CDHR2: variants seen among roughly 807,000 people sequenced by gnomAD.
The protein encoded by CDHR2 is cadherin related family member 2, also known as cadherin-related family member 2.
Under a neutral mutation model 138.6 loss-of-function variants are expected in CDHR2, and 104 were observed. The ratio of observed to expected loss-of-function variants is 0.75; its 90% CI spans 0.64 to 0.88. The LOEUF is 0.88. Ranked by LOEUF, CDHR2 falls within the 40% of genes least tolerant of loss-of-function variation. CDHR2 has a pLI of 0.00. For synonymous variants in CDHR2, 755 were observed against 742.8 expected (o/e 1.02, Z -0.27); for missense variants, 1,624 against 1,727.6 (o/e 0.94, Z 1.06).
chr5:176,575,107 C>T lies in CDHR2; in HGVS notation c.519C>T (p.Ser173=), dbSNP rs199624103. The change falls in exon 8 of 32, where the codon AGC becomes AGT. Residue 173 remains serine, a synonymous_variant. Coordinates refer to ENST00000261944, the MANE Select transcript of CDHR2 (RefSeq NM_017675.6). Reference sequence around the variant, plus strand: ...AGGTCATCCCTAGCACTGGGGACAGCGAGCATCTCTTCCGGATCCTGGCCA... The same window carrying T: ...AGGTCATCCCTAGCACTGGGGACAGTGAGCATCTCTTCCGGATCCTGGCCA... ...IEKVIPSTGD[S]EHLFRILANG... is the part of the protein sequence containing the mutation. 45 of 1,614,152 alleles carry T rather than the reference C, an allele frequency of 2.8e-5. No individual in the cohort carries two copies. The highest frequency in any genetic ancestry group is 1.6e-4 in the Middle Eastern group (1 of 6,062).
chr5:176,586,197 T>C (rs567646433), intron 20 of CDHR2, among the ~76,000 whole-genome samples, 172 bp downstream of exon 20: 31 of 152,286 alleles, frequency 2.0e-4, no homozygotes, highest in African/African-American at 7.2e-4. Flanking sequence ...TTTTCTTTTT[T>C]CTTTCCTTTT....
intron 5 of CDHR2, among the ~76,000 whole-genome samples, chr5:176,570,971 T>G (rs911195902): frequency 8.6e-5 from 10 of 116,956 alleles, no homozygotes; most frequent in Non-Finnish European, 1.7e-4. Flanking sequence ...AAAAATTAAC[T>G]AATGATGCCT....
In CDHR2 at chr5:176,543,050, G is replaced by A. The variant is rs1218798150; in HGVS notation, c.-16+281G>A. 6.6e-6 allele frequency among the ~76,000 whole-genome samples: 1 copy of A among 151,902 alleles called. No individual in the cohort carries two copies. Among genetic ancestry groups the A allele is most frequent in the Non-Finnish European group, 1.5e-5 (1 of 67,894 alleles). ...GAGTTCCCCGGGGCTCCCCGAGTTGGGGCGTTTGGACCTAGCGGACGGGGA... is the reference window on the plus strand; with the variant it reads ...GAGTTCCCCGGGGCTCCCCGAGTTGAGGCGTTTGGACCTAGCGGACGGGGA... On this transcript the variant is annotated intron_variant, in intron 1 of 31. Transcript: ENST00000510636. The surrounding 1 kb of genome is among the most constrained non-coding windows in gnomAD (Gnocchi z 4.0).
rs1336776573 is a variant in CDHR2 at position 176,575,177 on chromosome 5, A to G, written c.589A>G (p.Ser197Gly). 6.2e-7 allele frequency: 1 copy of G among 1,614,036 alleles called. No homozygotes were observed. Among genetic ancestry groups the G allele is most frequent in the African/African-American group, 1.3e-5 (1 of 74,906 alleles). ...LNGSLSYNNKSAFYQLELKAC... is the reference protein window; with the variant it reads ...LNGSLSYNNKGAFYQLELKAC... ...TGGCAGCCTCAGCTACAACAACAAGAGCGCTTTCTACCAGCTGGAGCTGAA... is the reference window on the plus strand; with the variant it reads ...TGGCAGCCTCAGCTACAACAACAAGGGCGCTTTCTACCAGCTGGAGCTGAA... The change falls in exon 8 of 32, where the codon AGC becomes GGC. Residue 197 changes from serine (S) to glycine (G), a missense_variant. By Grantham distance (56) the Ser-to-Gly change is moderately conservative (BLOSUM62 0). Coordinates refer to ENST00000261944, the MANE Select transcript of CDHR2 (RefSeq NM_017675.6).
intron 20 of CDHR2, 60 bp from the exon 21 acceptor site, chr5:176,586,733 C>T: frequency 6.7e-7 from 1 of 1,494,090 alleles, no homozygotes; most frequent in South Asian, 1.2e-5. Flanking sequence ...TCGTGACCAG[C>T]CTTGGTCCAG....
upstream of CDHR2, among the ~76,000 whole-genome samples, chr5:176,544,451 C>CTCTTTCTCTCTTTCCTTT (rs371507296): frequency 0.52 from 75,545 of 146,096 alleles, 24,070 homozygotes; most frequent in Non-Finnish European, 0.7. Flanking sequence ...TTCTCTCTTT[C>CTCTTTCTCTCTTTCCTTT]CTTTTTTTGA....
rs771422875 is a variant in CDHR2, at chr5:176,576,131, C to T, written c.1140C>T (p.Ala380=). The T allele has an allele frequency of 6.2e-7, 1 of 1,614,102 alleles. No individual in the cohort carries two copies. Among genetic ancestry groups the T allele is most frequent in the South Asian group, 1.1e-5 (1 of 91,082 alleles). The change falls in exon 12 of 32, where the codon GCC becomes GCT. Residue 380 remains alanine, a synonymous_variant. Coordinates refer to ENST00000261944, the MANE Select transcript of CDHR2 (RefSeq NM_017675.6). This position sits in a 1 kb window ranked among gnomAD's most constrained non-coding sequence, Gnocchi z 4.5. ...VNFTGYVDEH[A]SPRIPIDDLT... is the part of the protein sequence containing the mutation. Reference sequence around the variant, plus strand: ...TCACTGGCTACGTGGACGAGCATGCCTCCCCCCGCATCCCCATCGATGACC... The same window carrying T: ...TCACTGGCTACGTGGACGAGCATGCTTCCCCCCGCATCCCCATCGATGACC...
intron 16 of CDHR2, 42 bp downstream of exon 16, chr5:176,578,650 G>A (rs1758462337): frequency 1.2e-6 from 2 of 1,600,362 alleles, no homozygotes; most frequent in African/African-American, 1.3e-5. Flanking sequence ...CTGGGGGAGG[G>A]GACCAAGCCT....
At chr5:176,579,447 G>T (rs142954733) in intron 16 of CDHR2, among the ~76,000 whole-genome samples, 9 of 152,278 alleles carry the variant, frequency 5.9e-5, no homozygotes, top group African/African-American at 2.2e-4. Flanking sequence ...GACCTCTCTG[G>T]CCCTGAAGCC....
In CDHR2 at chr5:176,577,382, A is replaced by G. The variant is rs201051342; in HGVS notation, c.1195-17A>G. On this transcript the variant is annotated splice_polypyrimidine_tract_variant and intron_variant, in intron 12 of 31. Coordinates refer to ENST00000261944, the MANE Select transcript of CDHR2 (RefSeq NM_017675.6). ...GAGCAGGGGGACAGGTCCCTGCTAG[A>G]CAGCCCACCTTTACAGGGCAGCAAT... 3.4e-3 allele frequency: 5,479 copies of G among 1,600,254 alleles called. 13 individuals carry two copies. Among genetic ancestry groups the G allele is most frequent in the Non-Finnish European group, 4.2e-3 (4,948 of 1,174,698 alleles).
intron 5 of CDHR2, among the ~76,000 whole-genome samples, chr5:176,569,534 G>C (rs1290318269): frequency 6.6e-6 from 1 of 151,762 alleles, no homozygotes; most frequent in Non-Finnish European, 1.5e-5. Context: ...CGCCCGCCTC[G>C]GCTTCCCAGA....
intron 30 of CDHR2, among the ~76,000 whole-genome samples, chr5:176,592,211 G>T (rs990102802): frequency 2.0e-5 from 3 of 149,680 alleles, no homozygotes; most frequent in African/African-American, 4.9e-5. Flanking sequence ...TGATGGTGAT[G>T]GTGGTGATGA....
At chr5:176,588,496 AG>A (rs969637531) in intron 21 of CDHR2, among the ~76,000 whole-genome samples, 45 of 128,904 alleles carry the variant, frequency 3.5e-4, no homozygotes, top group African/African-American at 1.4e-3. Context: ...TAAGTGTGTG[AG>A]GGTGTGTATG....
At chr5:176,542,549 A>T (rs1757472476) in exon 1 of CDHR2, 1 of 151,782 alleles carries the variant, frequency 6.6e-6, no homozygotes, top group Non-Finnish European at 1.5e-5. Flanking sequence ...AGTGATGAAA[A>T]CCGAGGGCTG....
At position 176,592,731 on chromosome 5, in the gene CDHR2, C is replaced by T; in HGVS notation, c.3743C>T (p.Ser1248Phe). 1 of 1,613,732 alleles carries T rather than the reference C, an allele frequency of 6.2e-7. No homozygotes were observed. Among genetic ancestry groups the T allele is most frequent in the African/African-American group, 1.3e-5 (1 of 74,966 alleles). ...SNDLDSVSVNSLDDNSVDVDK... is the reference protein window; with the variant it reads ...SNDLDSVSVNFLDDNSVDVDK... Reference sequence around the variant, plus strand: ...CATCACCTCTCTTACAGCGTCAACTCCCTGGACGACAACTCTGTGGATGTG... The same window carrying T: ...CATCACCTCTCTTACAGCGTCAACTTCCTGGACGACAACTCTGTGGATGTG... The change falls in exon 31 of 32, where the codon TCC becomes TTC. Residue 1248 changes from serine to phenylalanine, a missense_variant. Transcript: ENST00000261944.
chr5:176,567,791 C>A (rs1185070339), intron 3 of CDHR2, among the ~76,000 whole-genome samples: 2 of 152,218 alleles, frequency 1.3e-5, no homozygotes, highest in African/African-American at 2.4e-5. Flanking sequence ...CCTCGCCTGG[C>A]CTAATTTTTA....
chr5:176,575,034 C>A (rs770133636), intron 7 of CDHR2, 50 bp from the exon 8 acceptor site: 1 of 1,605,554 alleles, frequency 6.2e-7, no homozygotes, highest in Admixed American at 1.7e-5. Flanking sequence ...GTGGGGTCCT[C>A]GGTGCAGGGC....
At chr5:176,589,952 A>C in intron 24 of CDHR2, 126 bp from the exon 25 acceptor site, 1 of 773,550 alleles carries the variant, frequency 1.3e-6, no homozygotes, top group Non-Finnish European at 2.3e-6. Flanking sequence ...CTACCTACTC[A>C]GCCAACAGAG....
intron 1 of CDHR2, among the ~76,000 whole-genome samples, chr5:176,556,150 T>C (rs1370068704): frequency 2.0e-5 from 3 of 152,196 alleles, no homozygotes; most frequent in Non-Finnish European, 4.4e-5. Flanking sequence ...TTTGTGCTAC[T>C]TGGGACTCCC....
Sources: gnomAD v4.1 joint callset for allele counts (sites outside exome capture counted in the v4.1 genomes callset) on GRCh38, gnomAD v4.1.1 for gene constraint, Gnocchi (gnomAD v3.1) non-coding constraint, MANE v1.5 for transcripts, NCBI Gene and HGNC (gene_info 2026-07-23, HGNC 2026-07-21) for gene names.